Variants in SHC3 observed in about 807,000 individuals in gnomAD.
SHC3 encodes the protein SHC adaptor protein 3, also known as SHC-transforming protein 3.
SHC3 carries 15 observed loss-of-function variants against 60.4 expected under a neutral mutation model. The observed-to-expected ratio is 0.25, with a 90% CI of 0.17 to 0.38. The LOEUF (loss-of-function observed/expected upper bound fraction) is 0.38, where lower values mean the gene tolerates loss of function less well. Ranked by LOEUF, SHC3 falls within the 10% of genes least tolerant of loss-of-function variation. The pLI is 1.00. For missense variants in SHC3, 677 were observed against 786.1 expected (o/e 0.86, Z 1.66); for synonymous variants, 294 against 325.9 (o/e 0.90, Z 1.05).
intron 2 of SHC3, among the ~76,000 whole-genome samples, chr9:89,106,283 G>T (rs1005399132): frequency 1.3e-5 from 2 of 152,214 alleles, no homozygotes; most frequent in African/African-American, 4.8e-5. Flanking sequence ...GGACCAGGCA[G>T]CTGTTCAGAG....
rs749822337 is a variant in SHC3, at chr9:89,013,444, A to G, written c.*3T>C. 1 of 1,610,988 alleles carries G rather than the reference A, an allele frequency of 6.2e-7. No individual in the cohort carries two copies. Among genetic ancestry groups the G allele is most frequent in the Non-Finnish European group, 8.5e-7 (1 of 1,178,496 alleles). The stretch of plus-strand genomic sequence containing the variant: ...CGCAGTGCTGGGAGCAGTGCTGGCC[A>G]GGTCACTGCTTCCTCTCCACTGGCT... On this transcript the variant is annotated 3_prime_UTR_variant, in exon 12 of 12. Coordinates refer to ENST00000375835, the MANE Select transcript of SHC3 (RefSeq NM_016848.6).
chr9:89,057,190 G>A (rs557310634), intron 6 of SHC3, among the ~76,000 whole-genome samples: 8 of 152,252 alleles, frequency 5.3e-5, no homozygotes, highest in Admixed American at 2.6e-4. Flanking sequence ...ACCTTAAAAG[G>A]AATATCAAAA....
chr9:89,036,604 C>T (rs901651523), intron 11 of SHC3, among the ~76,000 whole-genome samples: 2 of 152,260 alleles, frequency 1.3e-5, no homozygotes, highest in East Asian at 3.9e-4. Flanking sequence ...GCATACGTGA[C>T]GGGCCCCAGG....
At chr9:89,077,943 T>C (rs754440512) in intron 2 of SHC3, 40 bp from the exon 3 acceptor site, 1 of 1,611,090 alleles carries the variant, frequency 6.2e-7, no homozygotes. Context: ...TACGTGTCAG[T>C]CGGGATTATG....
At chr9:89,111,898 C>G (rs1256091339) in intron 2 of SHC3, among the ~76,000 whole-genome samples, 1 of 152,242 alleles carries the variant, frequency 6.6e-6, no homozygotes, top group Non-Finnish European at 1.5e-5. Flanking sequence ...TCTGTCCTAG[C>G]TTTCCAATTC....
chr9:89,043,539 C>A (rs1824722337), intron 9 of SHC3, among the ~76,000 whole-genome samples: 1 of 152,206 alleles, frequency 6.6e-6, no homozygotes, highest in Non-Finnish European at 1.5e-5. Flanking sequence ...TGAGCCGGGG[C>A]AGGAGGACAC....
chr9:89,165,814 C>T (rs1199750672), intron 1 of SHC3, among the ~76,000 whole-genome samples: 1 of 152,174 alleles, frequency 6.6e-6, no homozygotes, highest in Non-Finnish European at 1.5e-5. Flanking sequence ...GGGCAGGTTG[C>T]ACCACCAGTT....
chr9:89,080,966 C>T (rs933756987), intron 2 of SHC3, among the ~76,000 whole-genome samples: 3 of 151,852 alleles, frequency 2.0e-5, no homozygotes, highest in African/African-American at 7.3e-5. Context: ...TGGGGTTTCA[C>T]CGTATTAGCC....
chr9:89,160,231 C>T (rs1229975919), intron 1 of SHC3, among the ~76,000 whole-genome samples: 2 of 152,132 alleles, frequency 1.3e-5, no homozygotes, highest in African/African-American at 2.4e-5. Context: ...ACACTGTGCA[C>T]CCTCCCACCT....
At chr9:89,072,734 C>T (rs1825294552) in intron 4 of SHC3, among the ~76,000 whole-genome samples, 1 of 152,312 alleles carries the variant, frequency 6.6e-6, no homozygotes, top group South Asian at 2.1e-4. Context: ...CAGAGCTCAT[C>T]TCTAACCCAA....
intron 6 of SHC3, among the ~76,000 whole-genome samples, chr9:89,059,458 G>C (rs555659440): frequency 2.0e-5 from 3 of 149,708 alleles, no homozygotes; most frequent in African/African-American, 4.9e-5. Flanking sequence ...GTTAGGACGT[G>C]GGGGAGGACA....
At chr9:89,105,905 C>T (rs777090436) in intron 2 of SHC3, among the ~76,000 whole-genome samples, 30 of 152,150 alleles carry the variant, frequency 2.0e-4, no homozygotes, top group Admixed American at 5.2e-4. Flanking sequence ...TTAATAATAA[C>T]AATACCAATC....
chr9:89,037,535 GA>G (rs772318184), intron 11 of SHC3: 2 of 717,080 alleles, frequency 2.8e-6, no homozygotes, highest in African/African-American at 3.5e-5. Context: ...CTCTAAACGG[GA>G]AAACAAGAGA....
intron 6 of SHC3, among the ~76,000 whole-genome samples, chr9:89,053,186 T>G (rs1824889353): frequency 6.6e-6 from 1 of 152,170 alleles, no homozygotes; most frequent in African/African-American, 2.4e-5. Flanking sequence ...TCTCAGGAAT[T>G]CCTGGGAAGG....
At chr9:89,151,547 G>C (rs986258181) in intron 1 of SHC3, among the ~76,000 whole-genome samples, 2 of 152,146 alleles carry the variant, frequency 1.3e-5, no homozygotes, top group African/African-American at 4.8e-5. Flanking sequence ...TCAGGCCTCT[G>C]TTGTTTGTAA....
At chr9:89,156,011 G>A (rs147821106) in intron 1 of SHC3, among the ~76,000 whole-genome samples, 522 of 152,210 alleles carry the variant, frequency 3.4e-3, no homozygotes, top group Non-Finnish European at 4.7e-3. Context: ...TTATGTTTCT[G>A]AGGCCTCCTG....
chr9:89,098,161 G>GTA (rs1825732533), intron 2 of SHC3, among the ~76,000 whole-genome samples: 2 of 152,142 alleles, frequency 1.3e-5, no homozygotes, highest in African/African-American at 4.8e-5. Flanking sequence ...ATTCTATAAA[G>GTA]TAACTAGCAT....
intron 2 of SHC3, among the ~76,000 whole-genome samples, chr9:89,082,297 G>A (rs1464620235): frequency 6.6e-6 from 1 of 152,102 alleles, no homozygotes; most frequent in Non-Finnish European, 1.5e-5. Context: ...CCACACCAGA[G>A]GGAAGCTCCA....
intron 2 of SHC3, among the ~76,000 whole-genome samples, chr9:89,102,803 T>C (rs1564144896): frequency 6.6e-6 from 1 of 152,178 alleles, no homozygotes; most frequent in South Asian, 2.1e-4. Context: ...CAAAAACCCA[T>C]TGATGATGTT....
Sources: allele counts gnomAD v4.1 joint callset (sites outside exome capture counted in the v4.1 genomes callset), GRCh38; gene constraint gnomAD v4.1.1; transcripts MANE v1.5; gene names NCBI Gene and HGNC (gene_info 2026-07-23, HGNC 2026-07-21).